The following CUX2 variants were observed in gnomAD, a reference collection of about 807,000 sequenced individuals.
CUX2 encodes homeobox protein cut-like 2.
Under a neutral mutation model 144.8 loss-of-function variants are expected in CUX2, and 40 were observed. The ratio of observed to expected loss-of-function variants is 0.28; its 90% confidence interval spans 0.21 to 0.36. CUX2 has a LOEUF of 0.36. Ranked by LOEUF, CUX2 falls within the 10% of genes least tolerant of loss-of-function variation. The pLI is 1.00. For missense variants in CUX2, 1,615 were observed against 1,994.0 expected (o/e 0.81, Z 3.62); for synonymous variants, 827 against 875.6 (o/e 0.94, Z 0.98).
chr12:111,194,098 A>G (rs78671592), intron 1 of CUX2, among the ~76,000 whole-genome samples: 1,999 of 152,290 alleles, frequency 0.013, 43 homozygotes, highest in African/African-American at 0.045. Flanking sequence ...CCTGGGTAGC[A>G]GTAGCCTTGT....
intron 1 of CUX2, among the ~76,000 whole-genome samples, chr12:111,048,404 G>C (rs1020462097): frequency 1.3e-5 from 2 of 152,232 alleles, no homozygotes; most frequent in African/African-American, 4.8e-5. Flanking sequence ...TGTGGGAGTG[G>C]AGAGATTGCC....
intron 3 of CUX2, among the ~76,000 whole-genome samples, chr12:111,244,991 G>A (rs1259019351): frequency 6.6e-6 from 1 of 152,142 alleles, no homozygotes; most frequent in East Asian, 1.9e-4. Context: ...GAAGGCTGTT[G>A]TGGGGGCTTC....
At position 111,105,485 on chromosome 12, in the gene CUX2, CTGTG is replaced by C. The variant is rs139804461; in HGVS notation, c.63+71266_63+71269del. 1.3e-3 allele frequency among the ~76,000 whole-genome samples: 199 copies of C among 149,676 alleles called. 2 individuals are homozygous for C. Among genetic ancestry groups the C allele is most frequent in the East Asian group, 0.011 (54 of 5,106 alleles). The stretch of plus-strand genomic sequence containing the variant: ...GGCTAGTGTGGGAAGCTGGAAAGCT[CTGTG>C]TGTGTGTGTGTGTGTGTGTGCTCAC... On this transcript the variant is annotated intron_variant, in intron 1 of 21. Transcript: ENST00000261726.
At chr12:111,175,808 T>TAA (rs75229467) in intron 1 of CUX2, among the ~76,000 whole-genome samples, 1 of 146,732 alleles carries the variant, frequency 6.8e-6, no homozygotes, top group Non-Finnish European at 1.5e-5. Flanking sequence ...TGTTTTTGTT[T>TAA]AAAAAAAAAA....
At chr12:111,196,071 T>C (rs1312778826) in intron 1 of CUX2, among the ~76,000 whole-genome samples, 1 of 152,224 alleles carries the variant, frequency 6.6e-6, no homozygotes, top group African/African-American at 2.4e-5. Context: ...TATCCATAGA[T>C]TTGCCTTTTC....
Position 111,312,266 on chromosome 12 carries a change from C to T in CUX2, c.2002+65C>T. The stretch of plus-strand genomic sequence containing the variant: ...GGCCAGCTGCGAACAGGAGATGAGG[C>T]TTCGTCTACCTTTGTCCACCCCAGA... On this transcript the variant is annotated intron_variant, in intron 16 of 21. Coordinates refer to ENST00000261726, the MANE Select transcript of CUX2 (RefSeq NM_015267.4). The surrounding 1 kb of genome is among the most constrained non-coding windows in gnomAD (Gnocchi z 4.3). 1 of 1,385,482 alleles carries T rather than the reference C, an allele frequency of 7.2e-7. No individual in the cohort carries two copies. Among genetic ancestry groups the T allele is most frequent in the South Asian group, 1.3e-5 (1 of 79,494 alleles). The allele number at this position is 1,385,482 out of a possible 1,614,324, so 85.8% of individuals were successfully genotyped here.
At chr12:111,116,922 T>A (rs149436645) in intron 1 of CUX2, among the ~76,000 whole-genome samples, 36 of 152,334 alleles carry the variant, frequency 2.4e-4, no homozygotes, top group Non-Finnish European at 4.9e-4. Context: ...CTTATTATTT[T>A]CATACCACGG....
chr12:111,165,723 G>A (rs986541417), intron 1 of CUX2, among the ~76,000 whole-genome samples: 2 of 152,130 alleles, frequency 1.3e-5, no homozygotes, highest in African/African-American at 4.8e-5. Context: ...TATAAGCATC[G>A]CCTCCCAGCT....
In CUX2 at chr12:111,181,171, G is replaced by A. The variant is rs572529588; in HGVS notation, c.64-33029G>A. 1.1e-4 allele frequency among the ~76,000 whole-genome samples: 16 copies of A among 152,378 alleles called. No individual in the cohort carries two copies. In the South Asian group the frequency reaches 2.9e-3, roughly 28 times the overall value. On this transcript the variant is annotated intron_variant, in intron 1 of 21. Coordinates refer to ENST00000261726, the MANE Select transcript of CUX2 (RefSeq NM_015267.4). ...GCCGCCTTTGGGGTGGTCTGTCAGA[G>A]GCGGTTTGTGCATTCTGAGGAACAC... is the stretch of plus-strand genomic sequence containing the variant.
chr12:111,254,210 A>G (rs1883701165), intron 3 of CUX2, among the ~76,000 whole-genome samples: 1 of 152,188 alleles, frequency 6.6e-6, no homozygotes, highest in Non-Finnish European at 1.5e-5. Context: ...ACCAAGCACA[A>G]ACACCTCCTT....
chr12:111,253,425 G>A lies in CUX2; in HGVS notation c.223-10336G>A, dbSNP rs199617337. ...CTGCCCCAGGGCCTTTGCACCTGCC[G>A]TTCTCGCTGTCTGCAATACTCTTTC... On this transcript the variant is annotated intron_variant, in intron 3 of 21. Transcript: ENST00000261726. 1.5e-4 allele frequency among the ~76,000 whole-genome samples: 23 copies of A among 151,784 alleles called. No homozygotes were observed. In the East Asian group the frequency reaches 2.9e-3, roughly 19 times the overall value.
intron 5 of CUX2, among the ~76,000 whole-genome samples, chr12:111,292,806 G>A (rs1444351165): frequency 6.6e-6 from 1 of 152,070 alleles, no homozygotes; most frequent in African/African-American, 2.4e-5. Flanking sequence ...TATACTAAAT[G>A]TCACTGCAAA....
intron 1 of CUX2, among the ~76,000 whole-genome samples, chr12:111,169,248 G>T (rs939595619): frequency 3.3e-5 from 5 of 152,056 alleles, no homozygotes; most frequent in Non-Finnish European, 5.9e-5. Context: ...ACCAAGGATG[G>T]CCGCGACCAC....
chr12:111,091,259 GTTGGCC>G (rs1052008431), intron 1 of CUX2, among the ~76,000 whole-genome samples: 42 of 152,224 alleles, frequency 2.8e-4, no homozygotes, highest in African/African-American at 9.4e-4. Context: ...GCCCCAGGAG[GTTGGCC>G]TCATTGTTCC....
At chr12:111,329,248 C>G (rs1431301032) in intron 18 of CUX2, among the ~76,000 whole-genome samples, 1 of 151,408 alleles carries the variant, frequency 6.6e-6, no homozygotes, top group Non-Finnish European at 1.5e-5. Flanking sequence ...TCTCCTGTCC[C>G]CAGCTGCCCA....
rs1178456358 is a variant in CUX2 at position 111,034,568 on chromosome 12, T to C, written c.63+328T>C. On this transcript the variant is annotated intron_variant, in intron 1 of 21. Transcript: ENST00000261726. This position sits in a 1 kb window ranked among gnomAD's most constrained non-coding sequence, Gnocchi z 4.2. The stretch of plus-strand genomic sequence containing the variant: ...GCTACGGCCTCGGGCAGGGGGCTGC[T>C]GGCGGGAACCCCCGGCGGTCCCCCC... Among the ~76,000 whole-genome samples, 3 of 151,264 alleles carry C rather than the reference T, an allele frequency of 2.0e-5. No individual in the cohort carries two copies. Among genetic ancestry groups the C allele is most frequent in the Admixed American group, 6.6e-5 (1 of 15,254 alleles).
chr12:111,268,559 G>A (rs1289327313), intron 4 of CUX2, among the ~76,000 whole-genome samples: 2 of 152,250 alleles, frequency 1.3e-5, no homozygotes, highest in Admixed American at 6.5e-5. Context: ...TCCCAGTGAT[G>A]AGAGTGGAAG....
chr12:111,155,179 C>T (rs1055498031), intron 1 of CUX2, among the ~76,000 whole-genome samples: 4 of 152,224 alleles, frequency 2.6e-5, no homozygotes, highest in Non-Finnish European at 2.9e-5. Context: ...CATCCCAGCT[C>T]TGTTCCTTAC....
chr12:111,330,596 G>A (rs1888041511), intron 18 of CUX2, among the ~76,000 whole-genome samples: 1 of 149,874 alleles, frequency 6.7e-6, no homozygotes, highest in Non-Finnish European at 1.5e-5. Context: ...CACTTTGGGA[G>A]GCCGAGGCAG....
Sources: gnomAD v4.1 joint callset for allele counts (sites outside exome capture counted in the v4.1 genomes callset) on GRCh38, gnomAD v4.1.1 for gene constraint, Gnocchi (gnomAD v3.1) non-coding constraint, MANE v1.5 for transcripts, NCBI Gene and HGNC (gene_info 2026-07-23, HGNC 2026-07-21) for gene names.